RAB3GAP2: variants seen among roughly 807,000 people sequenced by gnomAD.
RAB3GAP2 encodes the protein rab3 GTPase-activating protein non-catalytic subunit.
Under a neutral mutation model 185.3 loss-of-function variants are expected in RAB3GAP2, and 87 were observed. That is an observed-to-expected ratio of 0.47 (90% CI 0.39 to 0.56). RAB3GAP2 has a LOEUF of 0.56. RAB3GAP2 is among the 20% of genes least tolerant of loss of function. RAB3GAP2 has a pLI of 0.00. For synonymous variants in RAB3GAP2, 554 were observed against 576.1 expected, an observed-to-expected ratio of 0.96 and a Z score of 0.55; for missense variants, 1,492 against 1,638.2, an observed-to-expected ratio of 0.91 and a Z score of 1.54.
At chr1:220,180,335 A>T (rs1158141136) in intron 21 of RAB3GAP2, among the ~76,000 whole-genome samples, 2 of 152,184 alleles carry the variant, frequency 1.3e-5, no homozygotes, top group Non-Finnish European at 2.9e-5. Context: ...TAAAAAAATT[A>T]CACAAGATCA....
At chr1:220,214,770 T>A (rs1004339551) in intron 2 of RAB3GAP2, among the ~76,000 whole-genome samples, 2 of 151,592 alleles carry the variant, frequency 1.3e-5, no homozygotes, top group African/African-American at 4.8e-5. Flanking sequence ...TCCCCATGGT[T>A]AAAAATTCAA....
In RAB3GAP2 at chr1:220,266,748, G is replaced by A. The variant is rs1182796109; in HGVS notation, c.115+5475C>T. The A allele has an allele frequency of 2.3e-5, 37 of 1,587,936 alleles. 1 individual carries two copies. The Admixed American group carries it at 6.2e-4, about 26-fold the overall frequency. On this transcript the variant is annotated intron_variant, in intron 1 of 34. Transcript: ENST00000358951. ...GATTCTTTGTTTTGGCAATTTGATG[G>A]TTTTGATGAATTTGCTGTGATCCAG...
intron 7 of RAB3GAP2, among the ~76,000 whole-genome samples, chr1:220,209,347 C>T (rs961980153): frequency 2.0e-5 from 3 of 152,192 alleles, no homozygotes; most frequent in African/African-American, 4.8e-5. Context: ...ATATATAGTT[C>T]TACATTCGAA....
At chr1:220,215,883 A>T (rs1028875699) in intron 2 of RAB3GAP2, among the ~76,000 whole-genome samples, 1 of 152,162 alleles carries the variant, frequency 6.6e-6, no homozygotes, top group African/African-American at 2.4e-5. Context: ...TTTTATAAAA[A>T]AATTATAATT....
chr1:220,219,743 G>A (rs942700068), intron 2 of RAB3GAP2: 3 of 152,184 alleles, frequency 2.0e-5, no homozygotes, highest in African/African-American at 7.2e-5. Context: ...GAAAATATTG[G>A]TATAGTGGAG....
intron 3 of RAB3GAP2, 103 bp downstream of exon 3, chr1:220,213,753 A>T: frequency 3.2e-6 from 3 of 943,506 alleles, no homozygotes; most frequent in Non-Finnish European, 4.7e-6. Context: ...GGAGAGAGAG[A>T]GAAATAAATA....
chr1:220,175,049 C>T (rs527866105), intron 21 of RAB3GAP2, among the ~76,000 whole-genome samples: 6 of 152,182 alleles, frequency 3.9e-5, no homozygotes, highest in Non-Finnish European at 7.4e-5. Context: ...AACTCTGTCT[C>T]GCTGTTTTAT....
chr1:220,266,599 T>G, intron 1 of RAB3GAP2: 1 of 1,002,478 alleles, frequency 1.0e-6, no homozygotes, highest in African/African-American at 1.6e-5. Flanking sequence ...TCTTTTAGTG[T>G]TCTAGATTGA....
At chr1:220,216,908 T>G (rs1659211387) in intron 2 of RAB3GAP2, among the ~76,000 whole-genome samples, 1 of 151,944 alleles carries the variant, frequency 6.6e-6, no homozygotes, top group African/African-American at 2.4e-5. Context: ...CAATAAAGAA[T>G]ATTGTTCCTA....
intron 1 of RAB3GAP2, among the ~76,000 whole-genome samples, chr1:220,243,353 CAAAAAAA>C (rs34046394): frequency 9.3e-6 from 1 of 107,618 alleles, no homozygotes; most frequent in Non-Finnish European, 2.1e-5. Context: ...GACTCCATCT[CAAAAAAA>C]AAAAAAAAAA....
At position 220,157,430 on chromosome 1, in the gene RAB3GAP2, A is replaced by G; in HGVS notation, c.3395T>C (p.Leu1132Pro). The G allele has an allele frequency of 6.2e-7, 1 of 1,613,882 alleles. No homozygotes were observed. Among genetic ancestry groups the G allele is most frequent in the Non-Finnish European group, 8.5e-7 (1 of 1,180,002 alleles). Residue 1132 changes from leucine (L) to proline (P), a missense_variant, in exon 31 of 35, where the codon CTC becomes CCC. Transcript: ENST00000358951. Reference sequence around the variant, plus strand: ...TATGGAGATTGGTCCTTCCACGGAGAGCCACGCATCCTCAGTATCCAGCAC... The same window carrying G: ...TATGGAGATTGGTCCTTCCACGGAGGGCCACGCATCCTCAGTATCCAGCAC... ...VPVLDTEDAW[L>P]SVEGPISIVE...
Position 220,210,840 on chromosome 1 carries a change from C to T in RAB3GAP2, c.471G>A (p.Val157=), listed in dbSNP as rs1164732329. The T allele has an allele frequency of 8.1e-6, 13 of 1,613,648 alleles. No individual in the cohort carries two copies. The highest frequency in any genetic ancestry group is 1.3e-5 in the African/African-American group (1 of 74,908). ...STGRPDWTCI[V]VGFTSGYVRF... is the part of the protein sequence containing the mutation. ...GTACATAACCTGAAGTAAAACCCAC[C>T]ACAATGCAGGTCCAGTCAGGACGCC... Residue 157 remains valine (V), a synonymous_variant, in exon 6 of 35, where the codon GTG becomes GTA. Coordinates refer to ENST00000358951, the MANE Select transcript of RAB3GAP2 (RefSeq NM_012414.4).
At chr1:220,198,848 T>C (rs1571895846) in intron 9 of RAB3GAP2, among the ~76,000 whole-genome samples, 3 of 152,264 alleles carry the variant, frequency 2.0e-5, no homozygotes, top group East Asian at 1.9e-4. Context: ...GTCAAACTCA[T>C]TGGATAATTT....
chr1:220,216,974 T>C (rs1383601094), intron 2 of RAB3GAP2, among the ~76,000 whole-genome samples: 1 of 152,164 alleles, frequency 6.6e-6, no homozygotes, highest in Admixed American at 6.5e-5. Flanking sequence ...GATCTGATGT[T>C]TATGTGCACA....
chr1:220,175,439 G>A lies in RAB3GAP2; in HGVS notation c.2311-2697C>T, dbSNP rs556558505. Among the ~76,000 whole-genome samples the A allele has an allele frequency of 4.5e-4, 69 of 151,980 alleles. 1 individual carries two copies. The highest frequency in any genetic ancestry group is 1.8e-4 in the Non-Finnish European group (12 of 67,966). On this transcript the variant is annotated intron_variant, in intron 21 of 34. Coordinates refer to ENST00000358951, the MANE Select transcript of RAB3GAP2 (RefSeq NM_012414.4). Reference sequence around the variant, plus strand: ...TCACTATGTTGGCCAGGCTGGTCTCGAACTCCTGACCTCGTGATTCGCCCG... The same window carrying A: ...TCACTATGTTGGCCAGGCTGGTCTCAAACTCCTGACCTCGTGATTCGCCCG...
intron 9 of RAB3GAP2, 63 bp from the exon 10 acceptor site, chr1:220,196,461 C>T: frequency 7.0e-7 from 1 of 1,432,738 alleles, no homozygotes; most frequent in Non-Finnish European, 9.8e-7. Context: ...ATTTTTACTT[C>T]AGTTCCATTC....
chr1:220,205,194 A>C (rs1322038856), intron 8 of RAB3GAP2, among the ~76,000 whole-genome samples: 2 of 152,200 alleles, frequency 1.3e-5, no homozygotes, highest in African/African-American at 4.8e-5. Context: ...TTGATGAAAT[A>C]TCTCTTCCAA....
chr1:220,209,449 T>C (rs1006242793), intron 7 of RAB3GAP2, among the ~76,000 whole-genome samples: 1 of 152,214 alleles, frequency 6.6e-6, no homozygotes, highest in Non-Finnish European at 1.5e-5. Context: ...CAAGGTTTAA[T>C]GCAAATCTCG....
At chr1:220,160,784 T>C (rs1349889394) in intron 28 of RAB3GAP2, among the ~76,000 whole-genome samples, 1 of 152,198 alleles carries the variant, frequency 6.6e-6, no homozygotes, top group Non-Finnish European at 1.5e-5. Flanking sequence ...TGTTTTGTTA[T>C]TTATTTCCTC....
Sources: allele counts gnomAD v4.1 joint callset (sites outside exome capture counted in the v4.1 genomes callset), GRCh38; gene constraint gnomAD v4.1.1; transcripts MANE v1.5; gene names NCBI Gene and HGNC (gene_info 2026-07-23, HGNC 2026-07-21).